Variants in DHX40 observed in about 807,000 individuals in gnomAD.
DHX40 encodes the protein DEAH-box helicase 40.
A neutral mutation model predicts 89.6 loss-of-function variants in DHX40; 28 were observed. The observed-to-expected ratio is 0.31, with a 90% confidence interval of 0.23 to 0.43. The LOEUF (loss-of-function observed/expected upper bound fraction) is 0.43, where lower values mean the gene tolerates loss of function less well. DHX40 is among the 20% of genes least tolerant of loss of function. The probability of loss-of-function intolerance (pLI) is 1.00; values close to 1 mark genes in which losing one functional copy is unlikely to be tolerated. For synonymous variants in DHX40, 226 were observed against 283.6 expected, an observed-to-expected ratio of 0.80 and a Z score of 2.04; for missense variants, 457 against 844.0, an observed-to-expected ratio of 0.54 and a Z score of 5.68.
At chr17:59,583,663 G>A (rs866774564) in intron 10 of DHX40, among the ~76,000 whole-genome samples, 6,108 of 132,372 alleles carry the variant, frequency 0.046, 17 homozygotes, top group African/African-American at 0.14. Flanking sequence ...GGCGGATTGC[G>A]AGGTCAGGAG....
chr17:59,570,097 TATATATTATA>T (rs1427675652), intron 2 of DHX40, among the ~76,000 whole-genome samples: 408 of 129,134 alleles, frequency 3.2e-3, no homozygotes, highest in African/African-American at 0.011. Flanking sequence ...TAATATATAG[TATATATTATA>T]ATATATTATA....
rs747471097 is a variant in DHX40, at chr17:59,565,662, G to C, written c.-10G>C. The C allele has an allele frequency of 6.3e-7, 1 of 1,598,212 alleles. No homozygotes were observed. The highest frequency in any genetic ancestry group is 8.5e-7 in the Non-Finnish European group (1 of 1,178,378). On this transcript the variant is annotated 5_prime_UTR_variant, in exon 1 of 18. Transcript: ENST00000251241. ...GGTGGACGTGCTCGCCTCCACTCGG[G>C]GCCAGGTCTATGTCCCGGTTTCCCG...
intron 2 of DHX40, among the ~76,000 whole-genome samples, chr17:59,568,347 A>C: frequency 6.6e-6 from 1 of 152,320 alleles, no homozygotes; most frequent in East Asian, 1.9e-4. Flanking sequence ...ATTGGATATG[A>C]TTTGCCTTAA....
intron 3 of DHX40, among the ~76,000 whole-genome samples, chr17:59,572,688 C>T (rs561006902): frequency 6.6e-6 from 1 of 152,276 alleles, no homozygotes; most frequent in African/African-American, 2.4e-5. Flanking sequence ...CTAAGTAACA[C>T]ATTTTTTAAT....
rs1246271132 is a variant in DHX40, at chr17:59,577,192, A to C, written c.974-74A>C. The C allele has an allele frequency of 3.9e-6, 5 of 1,277,750 alleles. No homozygotes were observed. In the Admixed American group the frequency reaches 6.9e-5, roughly 18 times the overall value. The allele number at this position is 1,277,750 out of a possible 1,614,324, so 79.2% of individuals were successfully genotyped here. On this transcript the variant is annotated intron_variant, in intron 7 of 17. Transcript: ENST00000251241. ...CCTAGAAACATGACTTGTAATGAAAAATTAAGTTCTTCAAAACTCGAGTTT... is the reference window on the plus strand; with the variant it reads ...CCTAGAAACATGACTTGTAATGAAACATTAAGTTCTTCAAAACTCGAGTTT...
intron 3 of DHX40, 152 bp from the exon 4 acceptor site, chr17:59,572,964 T>TA (rs2048832029): frequency 1.4e-6 from 1 of 738,522 alleles, no homozygotes; most frequent in Admixed American, 3.2e-5. Context: ...TTTTGTAACT[T>TA]ACCATCATTT....
At chr17:59,571,278 A>G (rs967632412) in intron 3 of DHX40, among the ~76,000 whole-genome samples, 3 of 151,852 alleles carry the variant, frequency 2.0e-5, no homozygotes, top group South Asian at 2.1e-4. Context: ...ACCAACATGG[A>G]GAAACCCTGT....
intron 8 of DHX40, among the ~76,000 whole-genome samples, chr17:59,578,161 T>G (rs905953334): frequency 6.7e-6 from 1 of 149,448 alleles, no homozygotes; most frequent in Non-Finnish European, 1.5e-5. Flanking sequence ...TATATTTTAT[T>G]TCTTTAGCTA....
chr17:59,570,080 TTATA>T (rs1471001564), intron 2 of DHX40, among the ~76,000 whole-genome samples: 2 of 128,758 alleles, frequency 1.6e-5, no homozygotes, highest in South Asian at 2.2e-4. Flanking sequence ...TAATGTATAT[TTATA>T]TATAATATAT....
intron 15 of DHX40, 140 bp from the exon 16 acceptor site, chr17:59,604,975 C>T: frequency 7.3e-6 from 5 of 684,476 alleles, no homozygotes; most frequent in Non-Finnish European, 1.3e-5. Context: ...CTTGTAGTGA[C>T]AGTTGAATAA....
intron 3 of DHX40, among the ~76,000 whole-genome samples, chr17:59,571,004 T>A (rs1423632087): frequency 6.6e-6 from 1 of 152,248 alleles, no homozygotes. Context: ...TTCCTTAGTT[T>A]ATAAATGACA....
chr17:59,594,360 C>T (rs1286995112), intron 12 of DHX40, among the ~76,000 whole-genome samples: 1 of 151,702 alleles, frequency 6.6e-6, no homozygotes, highest in African/African-American at 2.4e-5. Context: ...CAAGGTATTG[C>T]CCGTCTTTGA....
At chr17:59,600,034 G>A (rs940465545) in intron 14 of DHX40, among the ~76,000 whole-genome samples, 3 of 152,064 alleles carry the variant, frequency 2.0e-5, no homozygotes, top group East Asian at 3.9e-4. Context: ...GTGTTGGCCA[G>A]GCTGGTCTCA....
rs368454451 is a variant in DHX40 at position 59,565,646 on chromosome 17, G to T, written c.-26G>T. 1 of 1,588,024 alleles carries T rather than the reference G, an allele frequency of 6.3e-7. No individual in the cohort carries two copies. The highest frequency in any genetic ancestry group is 8.5e-7 in the Non-Finnish European group (1 of 1,172,028). Reference sequence around the variant, plus strand: ...CCCATCTCCTCAGATCGGTGGACGTGCTCGCCTCCACTCGGGGCCAGGTCT... The same window carrying T: ...CCCATCTCCTCAGATCGGTGGACGTTCTCGCCTCCACTCGGGGCCAGGTCT... On this transcript the variant is annotated 5_prime_UTR_variant, in exon 1 of 18. Coordinates refer to ENST00000251241, the MANE Select transcript of DHX40 (RefSeq NM_024612.5).
chr17:59,591,714 T>C lies in DHX40; in HGVS notation c.1582+3661T>C, dbSNP rs192016160. On this transcript the variant is annotated intron_variant, in intron 12 of 17. Coordinates refer to ENST00000251241, the MANE Select transcript of DHX40 (RefSeq NM_024612.5). Reference sequence around the variant, plus strand: ...TGCTTTATTACTCTGTCTCCCTCTATATATGTATATATAAATGGATTTTTT... The same window carrying C: ...TGCTTTATTACTCTGTCTCCCTCTACATATGTATATATAAATGGATTTTTT... Among the ~76,000 whole-genome samples the C allele has an allele frequency of 5.3e-3, 800 of 151,858 alleles. 13 individuals are homozygous for C. The highest frequency in any genetic ancestry group is 0.019 in the African/African-American group (773 of 41,492).
chr17:59,596,565 CAAA>C (rs1225145716), intron 12 of DHX40, among the ~76,000 whole-genome samples: 1 of 151,828 alleles, frequency 6.6e-6, no homozygotes, highest in Non-Finnish European at 1.5e-5. Context: ...GAGACTGTCT[CAAA>C]AAACAAAACA....
At chr17:59,575,274 TTTTC>T (rs1434204300) in intron 6 of DHX40, 62 bp from the exon 7 acceptor site, 2 of 1,264,656 alleles carry the variant, frequency 1.6e-6, no homozygotes, top group African/African-American at 3.1e-5. Flanking sequence ...AATCTTGACA[TTTTC>T]TTTATTTTTA....
intron 2 of DHX40, 117 bp from the exon 3 acceptor site, chr17:59,570,401 G>A (rs1433611964): frequency 1.4e-5 from 13 of 941,328 alleles, no homozygotes; most frequent in Middle Eastern, 2.9e-4. Context: ...TTTAATTTGC[G>A]AGATATTCTT....
At chr17:59,569,055 G>T (rs961188581) in intron 2 of DHX40, among the ~76,000 whole-genome samples, 5 of 152,034 alleles carry the variant, frequency 3.3e-5, no homozygotes, top group Admixed American at 2.6e-4. Context: ...TAGGCTGGGT[G>T]CAGTGGCTCA....
Sources: gnomAD v4.1 joint callset for allele counts (sites outside exome capture counted in the v4.1 genomes callset) on GRCh38, gnomAD v4.1.1 for gene constraint, MANE v1.5 for transcripts, NCBI Gene and HGNC (gene_info 2026-07-23, HGNC 2026-07-21) for gene names.